Variants in SHTN1 observed in about 807,000 individuals in gnomAD.
SHTN1 encodes the protein shootin 1.
SHTN1 carries 42 observed loss-of-function variants against 83.1 expected under a neutral mutation model. That is an observed-to-expected ratio of 0.51 (90% CI 0.39 to 0.65). The LOEUF is 0.65. SHTN1 is among the 30% of genes least tolerant of loss of function. The probability of loss-of-function intolerance (pLI) is 0.00; values close to 1 mark genes in which losing one functional copy is unlikely to be tolerated. For missense variants in SHTN1, 622 were observed against 737.8 expected (o/e 0.84, Z 1.82); for synonymous variants, 224 against 247.7 (o/e 0.90, Z 0.90).
At chr10:117,118,840 C>T (rs1301972694) in intron 1 of SHTN1, among the ~76,000 whole-genome samples, 1 of 152,078 alleles carries the variant, frequency 6.6e-6, no homozygotes, top group Non-Finnish European at 1.5e-5. Flanking sequence ...GTGCTTTATA[C>T]CTGGGTGATG....
chr10:116,994,509 G>A (rs1564920825), intron 1 of SHTN1, among the ~76,000 whole-genome samples: 4 of 152,078 alleles, frequency 2.6e-5, no homozygotes, highest in African/African-American at 9.7e-5. Context: ...TGTAGAGACA[G>A]AGAGAGAAGG....
At chr10:116,931,280 A>G (rs1848954146) in intron 9 of SHTN1, among the ~76,000 whole-genome samples, 1 of 151,884 alleles carries the variant, frequency 6.6e-6, no homozygotes, top group Admixed American at 6.6e-5. Flanking sequence ...ATAGAGTCTC[A>G]CTCTTTCGGC....
At chr10:116,987,264 C>T (rs1851251868) in intron 1 of SHTN1, among the ~76,000 whole-genome samples, 1 of 152,076 alleles carries the variant, frequency 6.6e-6, no homozygotes, top group Non-Finnish European at 1.5e-5. Flanking sequence ...TCACTAAGAG[C>T]TAATGATAAA....
chr10:116,952,027 A>AT (rs751578197), intron 5 of SHTN1, 21 bp from the exon 6 acceptor site: 82 of 1,248,152 alleles, frequency 6.6e-5, no homozygotes, highest in Admixed American at 1.4e-4. Context: ...AAAGAAAAAA[A>AT]ATATATAAAT....
intron 7 of SHTN1, among the ~76,000 whole-genome samples, chr10:116,945,937 A>G (rs1378808995): frequency 6.6e-6 from 1 of 152,188 alleles, no homozygotes; most frequent in African/African-American, 2.4e-5. Context: ...CACATGCATG[A>G]ATCTCACAAA....
intron 1 of SHTN1, among the ~76,000 whole-genome samples, chr10:117,084,996 T>TCGCA (rs1260710782): frequency 3.3e-5 from 5 of 152,244 alleles, no homozygotes; most frequent in African/African-American, 1.2e-4. Flanking sequence ...TCACCCGTCT[T>TCGCA]CTGGGTCGCT....
At chr10:116,998,296 A>C (rs1269742542) in intron 1 of SHTN1, among the ~76,000 whole-genome samples, 2 of 152,184 alleles carry the variant, frequency 1.3e-5, no homozygotes, top group Non-Finnish European at 2.9e-5. Context: ...TGTTCTTTCC[A>C]TCGGCTCTTG....
chr10:116,947,308 C>T (rs1283652407), intron 7 of SHTN1, among the ~76,000 whole-genome samples: 2 of 152,112 alleles, frequency 1.3e-5, no homozygotes, highest in Non-Finnish European at 2.9e-5. Context: ...GGTGAGTCAC[C>T]TCCACCCTGA....
chr10:116,931,562 A>G (rs1192593136), intron 9 of SHTN1, among the ~76,000 whole-genome samples: 1 of 152,176 alleles, frequency 6.6e-6, no homozygotes, highest in Non-Finnish European at 1.5e-5. Context: ...AGTATTCTTT[A>G]CAACAGCAAA....
intron 1 of SHTN1, among the ~76,000 whole-genome samples, chr10:117,061,135 CTT>C (rs5788206): frequency 1.1e-3 from 140 of 127,208 alleles, no homozygotes; most frequent in South Asian, 1.2e-3. Context: ...AAGCTTTAGT[CTT>C]TTTTTTTTTT....
At chr10:116,973,869 C>T in intron 2 of SHTN1, 3 of 1,285,900 alleles carry the variant, frequency 2.3e-6, no homozygotes, top group Non-Finnish European at 3.0e-6. Flanking sequence ...TTTAAGAATC[C>T]TTGGCATACA....
At chr10:116,989,885 A>C (rs541726498) in intron 1 of SHTN1, among the ~76,000 whole-genome samples, 1 of 152,182 alleles carries the variant, frequency 6.6e-6, no homozygotes, top group East Asian at 1.9e-4. Flanking sequence ...CCAATTACCA[A>C]CTTATGAGGC....
At position 116,908,145 on chromosome 10, in the gene SHTN1, AACTG is replaced by A. The variant is rs147867467; in HGVS notation, c.1360-1402_1360-1399del. ...AAAAGTAACCTGTTGTCAGGGAGGA[AACTG>A]ACTAACAAGATTAGGAGATTATATT... On this transcript the variant is annotated intron_variant, in intron 14 of 16. Transcript: ENST00000355371. Among the ~76,000 whole-genome samples the A allele has an allele frequency of 2.2e-3, 340 of 152,306 alleles. 5 individuals carry two copies. The East Asian group carries it at 0.033, about 15-fold the overall frequency.
intron 1 of SHTN1, among the ~76,000 whole-genome samples, chr10:117,077,138 T>C (rs1853170228): frequency 5.9e-5 from 9 of 152,238 alleles, no homozygotes; most frequent in Admixed American, 5.9e-4. Context: ...CCTCTACGAA[T>C]AGGTTTCCTT....
At chr10:116,991,300 TTC>T (rs1377086132) in intron 1 of SHTN1, among the ~76,000 whole-genome samples, 1 of 152,224 alleles carries the variant, frequency 6.6e-6, no homozygotes, top group Admixed American at 6.5e-5. Flanking sequence ...TTACATTTGT[TTC>T]TTAGTCTATC....
intron 1 of SHTN1, among the ~76,000 whole-genome samples, chr10:117,119,487 C>A (rs1270990463): frequency 6.6e-6 from 1 of 152,138 alleles, no homozygotes; most frequent in Non-Finnish European, 1.5e-5. Flanking sequence ...ATCAAAACTA[C>A]AGTAAGATAT....
At chr10:116,939,459 C>T (rs1279157528) in intron 9 of SHTN1, among the ~76,000 whole-genome samples, 1 of 152,194 alleles carries the variant, frequency 6.6e-6, no homozygotes, top group African/African-American at 2.4e-5. Context: ...TGAGGCAACA[C>T]CCCACCTTGC....
At position 116,955,871 on chromosome 10, in the gene SHTN1, C is replaced by T. The variant is rs539806151; in HGVS notation, c.268-1661G>A. Among the ~76,000 whole-genome samples the T allele has an allele frequency of 9.9e-5, 15 of 152,280 alleles. 1 individual carries two copies. In the South Asian group the frequency reaches 3.1e-3, roughly 32 times the overall value. ...AGTCTCCAACTCTAGCTTCTGTCTG[C>T]ACACATTACATTAGGAGATCAAGAT... is the stretch of plus-strand genomic sequence containing the variant. On this transcript the variant is annotated intron_variant, in intron 4 of 16. Transcript: ENST00000355371.
chr10:116,953,768 C>T (rs773182889), intron 5 of SHTN1, among the ~76,000 whole-genome samples: 11 of 151,546 alleles, frequency 7.3e-5, no homozygotes, highest in Non-Finnish European at 1.5e-4. Context: ...GCTGGGATTA[C>T]AGGCACCTGC....
Sources: allele counts gnomAD v4.1 joint callset (sites outside exome capture counted in the v4.1 genomes callset), GRCh38; gene constraint gnomAD v4.1.1; transcripts MANE v1.5; gene names NCBI Gene and HGNC (gene_info 2026-07-23, HGNC 2026-07-21).